Variants in TUSC3 observed in about 807,000 individuals in gnomAD.
The protein encoded by TUSC3 is dolichyl-diphosphooligosaccharide--protein glycosyltransferase subunit TUSC3.
In TUSC3, 45 loss-of-function variants were observed where a neutral mutation model predicts 44.8. The ratio of observed to expected loss-of-function variants is 1.00; its 90% CI spans 0.79 to 1.29. The LOEUF (loss-of-function observed/expected upper bound fraction) is 1.29, where lower values mean the gene tolerates loss of function less well. Among genes scored for constraint, TUSC3 ranks in the 50% most tolerant of loss-of-function variants. The pLI is 0.00. For synonymous variants in TUSC3, 212 were observed against 152.9 expected, an observed-to-expected ratio of 1.39 and a Z score of -2.85; for missense variants, 519 against 437.9, an observed-to-expected ratio of 1.19 and a Z score of -1.65.
intron 1 of TUSC3, among the ~76,000 whole-genome samples, chr8:15,566,112 T>C (rs1401399299): frequency 6.6e-6 from 1 of 152,162 alleles, no homozygotes; most frequent in East Asian, 1.9e-4. Flanking sequence ...ACTAACTTAC[T>C]GGTATGCATT....
the TUSC3 span, among the ~76,000 whole-genome samples, chr8:15,850,365 T>C: frequency 6.6e-6 from 1 of 152,170 alleles, no homozygotes; most frequent in African/African-American, 2.4e-5. Flanking sequence ...CCATAGTTGA[T>C]TATATAAATG....
At chr8:15,420,719 C>G (rs550616746) in intron 1 of TUSC3, among the ~76,000 whole-genome samples, 1 of 152,244 alleles carries the variant, frequency 6.6e-6, no homozygotes, top group Admixed American at 6.5e-5. Flanking sequence ...CTGGAGGTTA[C>G]CAGCAGCTTC....
At chr8:15,524,877 A>C (rs1801353321) in intron 2 of TUSC3, among the ~76,000 whole-genome samples, 1 of 152,202 alleles carries the variant, frequency 6.6e-6, no homozygotes, top group Non-Finnish European at 1.5e-5. Flanking sequence ...AAAAATGTAA[A>C]ACACTGTCAC....
chr8:15,762,881 C>T (rs1334474205), intron 10 of TUSC3, among the ~76,000 whole-genome samples: 2 of 127,296 alleles, frequency 1.6e-5, no homozygotes, highest in African/African-American at 6.1e-5. Context: ...AGCTTAAGGC[C>T]CTGACAAGGT....
At chr8:15,808,112 T>G in the TUSC3 span, among the ~76,000 whole-genome samples, 1 of 152,188 alleles carries the variant, frequency 6.6e-6, no homozygotes, top group Non-Finnish European at 1.5e-5. Context: ...AGTACTCATA[T>G]CATTTTATTG....
At chr8:15,487,344 GTGT>G (rs1267158345) in intron 2 of TUSC3, among the ~76,000 whole-genome samples, 2 of 152,076 alleles carry the variant, frequency 1.3e-5, no homozygotes, top group African/African-American at 2.4e-5. Flanking sequence ...TCCTTCTGCT[GTGT>G]TCATCAGTGT....
intron 1 of TUSC3, among the ~76,000 whole-genome samples, chr8:15,618,714 A>G (rs1188522971): frequency 6.6e-6 from 1 of 152,296 alleles, no homozygotes; most frequent in Non-Finnish European, 1.5e-5. Context: ...CCAGTAACAA[A>G]GTTGTTTATC....
intron 1 of TUSC3, among the ~76,000 whole-genome samples, chr8:15,564,153 A>G (rs1289545822): frequency 6.6e-6 from 1 of 151,982 alleles, no homozygotes; most frequent in African/African-American, 2.4e-5. Context: ...TTTTTTTCTA[A>G]TTTTTGTGAC....
intron 1 of TUSC3, among the ~76,000 whole-genome samples, chr8:15,474,173 G>A (rs984648096): frequency 2.6e-5 from 4 of 152,110 alleles, no homozygotes; most frequent in South Asian, 2.1e-4. Flanking sequence ...TGTTTTGCCC[G>A]ACCTCACAGG....
At chr8:15,670,768 G>A (rs1807911574) in intron 5 of TUSC3, among the ~76,000 whole-genome samples, 1 of 151,814 alleles carries the variant, frequency 6.6e-6, no homozygotes, top group African/African-American at 2.4e-5. Flanking sequence ...CTCATGTTTG[G>A]TGAGGACTAT....
At chr8:15,500,034 A>T (rs1800937719) in intron 2 of TUSC3, among the ~76,000 whole-genome samples, 1 of 152,116 alleles carries the variant, frequency 6.6e-6, no homozygotes, top group Non-Finnish European at 1.5e-5. Flanking sequence ...CATCTTAGCC[A>T]TTTATTGTCT....
Position 15,764,938 on chromosome 8 carries a change from A to G in TUSC3, c.*782A>G, listed in dbSNP as rs1319266087. On this transcript the variant is annotated 3_prime_UTR_variant, in exon 11 of 11. Coordinates refer to ENST00000503731, the MANE Select transcript of TUSC3 (RefSeq NM_006765.4). ...AAACTTAACACACTATCCATTTTCG[A>G]GCAAACCTAACCCACTATATCCATT... 6.6e-6 allele frequency: 1 copy of G among 151,302 alleles called. No homozygotes were observed. Among genetic ancestry groups the G allele is most frequent in the Middle Eastern group, 3.4e-3 (1 of 294 alleles). The allele number at this position is 151,302 out of a possible 1,614,324, so 9.4% of individuals were successfully genotyped here.
intron 1 of TUSC3, among the ~76,000 whole-genome samples, chr8:15,601,977 A>C (rs1448965332): frequency 6.6e-6 from 1 of 151,372 alleles, no homozygotes; most frequent in Non-Finnish European, 1.5e-5. Context: ...TGTACATTAT[A>C]ATTTGTATCA....
At chr8:15,605,968 C>T (rs1055525566) in intron 1 of TUSC3, among the ~76,000 whole-genome samples, 1 of 152,004 alleles carries the variant, frequency 6.6e-6, no homozygotes, top group Non-Finnish European at 1.5e-5. Context: ...CCCTTCATCT[C>T]TCCAGTGAGT....
chr8:15,806,155 T>C, the TUSC3 span: 29 of 475,428 alleles, frequency 6.1e-5, no homozygotes, highest in African/African-American at 5.2e-4. Flanking sequence ...TTTTAGCACA[T>C]AGCATCAGTT....
chr8:15,807,474 G>T, the TUSC3 span, among the ~76,000 whole-genome samples: 1 of 151,992 alleles, frequency 6.6e-6, no homozygotes, highest in Non-Finnish European at 1.5e-5. Context: ...ATGTCTCAAA[G>T]AATGTAAAAC....
intron 1 of TUSC3, among the ~76,000 whole-genome samples, chr8:15,418,429 A>G (rs1331749268): frequency 1.3e-5 from 2 of 152,208 alleles, no homozygotes; most frequent in African/African-American, 4.8e-5. Flanking sequence ...TTTACTTCAA[A>G]CAGTATTTCT....
intron 8 of TUSC3, 70 bp downstream of exon 8, chr8:15,743,682 T>TA: frequency 2.0e-6 from 3 of 1,506,444 alleles, no homozygotes; most frequent in Non-Finnish European, 1.8e-6. Flanking sequence ...AAATGGGAAA[T>TA]ACATAAAAGC....
At chr8:15,595,471 CA>C (rs1461376998) in intron 1 of TUSC3, among the ~76,000 whole-genome samples, 2 of 152,128 alleles carry the variant, frequency 1.3e-5, no homozygotes, top group Non-Finnish European at 2.9e-5. Flanking sequence ...TAGGGTGGAA[CA>C]GACATAGGGC....
Sources: gnomAD v4.1 joint callset for allele counts (sites outside exome capture counted in the v4.1 genomes callset) on GRCh38, gnomAD v4.1.1 for gene constraint, MANE v1.5 for transcripts, NCBI Gene and HGNC (gene_info 2026-07-23, HGNC 2026-07-21) for gene names.